WLS: variants seen among roughly 807,000 people sequenced by gnomAD.
WLS encodes the protein Wnt ligand secretion mediator.
Under a neutral mutation model 62.8 loss-of-function variants are expected in WLS, and 23 were observed. The ratio of observed to expected loss-of-function variants is 0.37; its 90% CI spans 0.26 to 0.52. The LOEUF (loss-of-function observed/expected upper bound fraction) is 0.52, where lower values mean the gene tolerates loss of function less well. Ranked by LOEUF, WLS falls within the 20% of genes least tolerant of loss-of-function variation. WLS has a pLI of 0.92. For synonymous variants in WLS, 246 were observed against 244.1 expected, an observed-to-expected ratio of 1.01 and a Z score of -0.07; for missense variants, 615 against 697.3, an observed-to-expected ratio of 0.88 and a Z score of 1.33.
At chr1:68,141,288 G>A (rs987866357) in intron 10 of WLS, 5 of 152,238 alleles carry the variant, frequency 3.3e-5, no homozygotes, top group African/African-American at 1.2e-4. Context: ...CTCTCTGGGA[G>A]TTTGCTGCAT....
chr1:68,127,153 CCACT>C, intron 11 of WLS: 1 of 355,020 alleles, frequency 2.8e-6, no homozygotes, highest in South Asian at 2.0e-5. Flanking sequence ...TATGATTGCA[CCACT>C]CACTCCAGCC....
At chr1:68,143,373 G>T in intron 10 of WLS, among the ~76,000 whole-genome samples, 1 of 152,288 alleles carries the variant, frequency 6.6e-6, no homozygotes, top group East Asian at 1.9e-4. Flanking sequence ...AGACATTCAA[G>T]CTTCTTGCTA....
rs543592563 is a variant in WLS, at chr1:68,153,172, G to A, written c.803+345C>T. ...CACCTGTGGTTCTAGCTACCGGGAG[G>A]CTGAGGTGGGATGACCACTGGAGCC... On this transcript the variant is annotated intron_variant, in intron 5 of 11. Transcript: ENST00000262348. Among the ~76,000 whole-genome samples the A allele has an allele frequency of 2.0e-5, 3 of 152,266 alleles. No individual in the cohort carries two copies. The South Asian group carries it at 6.2e-4, about 32-fold the overall frequency.
chr1:68,100,202 C>T (rs550055964), intron 11 of WLS, among the ~76,000 whole-genome samples: 1 of 152,188 alleles, frequency 6.6e-6, no homozygotes, highest in South Asian at 2.1e-4. Flanking sequence ...GTCTAGGGGC[C>T]AAGCTCACAT....
At chr1:68,224,038 G>A (rs2100665508) in intron 1 of WLS, among the ~76,000 whole-genome samples, 1 of 152,302 alleles carries the variant, frequency 6.6e-6, no homozygotes, top group African/African-American at 2.4e-5. Context: ...TAATAACTTG[G>A]CCTTTTCTTT....
intron 2 of WLS, among the ~76,000 whole-genome samples, chr1:68,182,700 T>G (rs1219643526): frequency 6.6e-6 from 1 of 152,186 alleles, no homozygotes; most frequent in Non-Finnish European, 1.5e-5. Context: ...CTACTCCATT[T>G]AAGTCTCTGA....
intron 1 of WLS, among the ~76,000 whole-genome samples, chr1:68,206,555 A>G (rs1200138533): frequency 1.3e-5 from 2 of 152,166 alleles, no homozygotes; most frequent in African/African-American, 4.8e-5. Context: ...TTATTATTCT[A>G]TGGGCATTCT....
chr1:68,128,835 T>C (rs1646473672), intron 11 of WLS, among the ~76,000 whole-genome samples: 1 of 152,064 alleles, frequency 6.6e-6, no homozygotes, highest in African/African-American at 2.4e-5. Context: ...ATGAAGAAAC[T>C]GAGGCACAGA....
At chr1:68,217,354 C>T (rs558001596) in intron 1 of WLS, among the ~76,000 whole-genome samples, 1 of 152,272 alleles carries the variant, frequency 6.6e-6, no homozygotes, top group South Asian at 2.1e-4. Context: ...GCCAGAGGAT[C>T]GCTACCCAAT....
chr1:68,224,394 A>G (rs997438964), intron 1 of WLS, among the ~76,000 whole-genome samples: 4 of 152,154 alleles, frequency 2.6e-5, no homozygotes, highest in African/African-American at 9.7e-5. Flanking sequence ...TCTTCAGTCT[A>G]TATTCTACCC....
At chr1:68,192,802 A>G (rs1648397733) in intron 2 of WLS, among the ~76,000 whole-genome samples, 1 of 148,414 alleles carries the variant, frequency 6.7e-6, no homozygotes, top group Admixed American at 6.8e-5. Context: ...AGAAGAAAGA[A>G]ATAGTTTTCA....
At chr1:68,166,983 C>T (rs1647069328) in intron 2 of WLS, among the ~76,000 whole-genome samples, 1 of 152,070 alleles carries the variant, frequency 6.6e-6, no homozygotes, top group South Asian at 2.1e-4. Context: ...ATGGCCTGTT[C>T]AAGTGACCTT....
At chr1:68,101,388 C>T (rs570958116) in intron 11 of WLS, among the ~76,000 whole-genome samples, 43 of 152,152 alleles carry the variant, frequency 2.8e-4, no homozygotes, top group South Asian at 2.7e-3. Flanking sequence ...GAAAGGAGGC[C>T]GCCCCAGAAA....
At chr1:68,230,586 C>CGA (rs1394504243) in intron 1 of WLS, among the ~76,000 whole-genome samples, 1 of 136,980 alleles carries the variant, frequency 7.3e-6, no homozygotes, top group African/African-American at 2.7e-5. Flanking sequence ...TGTGTGTGCG[C>CGA]GCGTGTGTGT....
In WLS at chr1:68,230,586, C is replaced by T. The variant is rs1033843607; in HGVS notation, c.106+1608G>A. On this transcript the variant is annotated intron_variant, in intron 1 of 11. Coordinates refer to ENST00000262348, the MANE Select transcript of WLS (RefSeq NM_024911.7). ...AAGCCAACCCGTGTGTGTGTGTGCG[C>T]GCGTGTGTGTGTGTGTGTGTGTGTG... Among the ~76,000 whole-genome samples the T allele has an allele frequency of 1.7e-3, 231 of 137,092 alleles. 1 individual carries two copies. The highest frequency in any genetic ancestry group is 6.0e-3 in the African/African-American group (220 of 36,600). 89.9% of individuals were successfully genotyped at this position (137,092 alleles called of 152,430 possible).
At chr1:68,207,017 G>A (rs778917651) in intron 1 of WLS, among the ~76,000 whole-genome samples, 5 of 152,028 alleles carry the variant, frequency 3.3e-5, no homozygotes, top group Non-Finnish European at 2.9e-5. Context: ...TTACTGTTTG[G>A]GATCTGAATG....
intron 1 of WLS, among the ~76,000 whole-genome samples, chr1:68,211,317 GA>G (rs34980541): frequency 0.48 from 64,147 of 132,534 alleles, 15,190 homozygotes; most frequent in Non-Finnish European, 0.6. Context: ...CTTTGTAAAA[GA>G]AAAAAAAAAA....
rs1250726331 is a variant in WLS at position 68,147,973 on chromosome 1, ATTC to A, written c.1134+160_1134+162del. Among the ~76,000 whole-genome samples the A allele has an allele frequency of 5.3e-5, 8 of 152,296 alleles. No individual in the cohort carries two copies. The East Asian group carries it at 5.8e-4, about 11-fold the overall frequency. ...CACCCAGGCTTGAAAGCAAGCAGTA[ATTC>A]TTCTTATTATTAGCCTTAATTGTGC... On this transcript the variant is annotated intron_variant, in intron 8 of 11. Coordinates refer to ENST00000262348, the MANE Select transcript of WLS (RefSeq NM_024911.7).
intron 2 of WLS, among the ~76,000 whole-genome samples, chr1:68,184,769 C>A (rs1161025733): frequency 6.6e-6 from 1 of 152,162 alleles, no homozygotes; most frequent in Non-Finnish European, 1.5e-5. Context: ...ACAGACAGGT[C>A]TGTTCATATT....
Sources: allele counts gnomAD v4.1 joint callset (sites outside exome capture counted in the v4.1 genomes callset), GRCh38; gene constraint gnomAD v4.1.1; transcripts MANE v1.5; gene names NCBI Gene and HGNC (gene_info 2026-07-23, HGNC 2026-07-21).